The following SYNCRIP variants were observed in gnomAD, a reference collection of about 807,000 sequenced individuals.
The protein encoded by SYNCRIP is heterogeneous nuclear ribonucleoprotein Q.
In SYNCRIP, 9 loss-of-function variants were observed where a neutral mutation model predicts 68.9. The ratio of observed to expected loss-of-function variants is 0.13; its 90% confidence interval spans 0.08 to 0.23. The LOEUF (loss-of-function observed/expected upper bound fraction) is 0.23. Among genes scored for constraint, SYNCRIP ranks in the 10% least tolerant of loss-of-function variants. SYNCRIP has a pLI of 1.00. For synonymous variants in SYNCRIP, 258 were observed against 254.0 expected, an observed-to-expected ratio of 1.02 and a Z score of -0.15; for missense variants, 414 against 770.6, an observed-to-expected ratio of 0.54 and a Z score of 5.48.
chr6:85,628,915 G>A (rs1229751484), intron 6 of SYNCRIP, among the ~76,000 whole-genome samples: 1 of 152,140 alleles, frequency 6.6e-6, no homozygotes, highest in African/African-American at 2.4e-5. Flanking sequence ...ATAAAAACTA[G>A]AATACAACCT....
chr6:85,643,567 C>T (rs1176954089), upstream of SYNCRIP, among the ~76,000 whole-genome samples: 2 of 151,132 alleles, frequency 1.3e-5, no homozygotes, highest in Non-Finnish European at 3.0e-5. Context: ...GTGTCCCACT[C>T]GTTTTCCTTT....
chr6:85,632,402 G>A (rs1183025766), intron 6 of SYNCRIP, among the ~76,000 whole-genome samples: 1 of 152,292 alleles, frequency 6.6e-6, no homozygotes, highest in South Asian at 2.1e-4. Context: ...ACTGTAACAA[G>A]TAGAATCTCA....
intron 6 of SYNCRIP, among the ~76,000 whole-genome samples, chr6:85,631,659 C>CA: frequency 6.6e-6 from 1 of 152,188 alleles, no homozygotes; most frequent in East Asian, 1.9e-4. Context: ...GACCTACTTC[C>CA]TTAACTCTTT....
Position 85,615,248 on chromosome 6 carries a change from A to G in SYNCRIP, c.1380T>C (p.Tyr460=). The part of the protein sequence containing the change: ...GRGGYGYPPD[Y]YGYEDYYDYY... ...AATCATAATAATCTTCATATCCATA[A>G]TAATCTGGAGGATATCCATAACCAC... Residue 460 remains tyrosine (Y), a synonymous_variant, in exon 11 of 11, where the codon TAT becomes TAC. Coordinates refer to ENST00000369622, the MANE Select transcript of SYNCRIP (RefSeq NM_006372.5). 1 of 1,607,412 alleles carries G rather than the reference A, an allele frequency of 6.2e-7. No individual in the cohort carries two copies.
At position 85,633,373 on chromosome 6, in the gene SYNCRIP, C is replaced by G. The variant is rs115073656; in HGVS notation, c.666+3594G>C. Among the ~76,000 whole-genome samples, 928 of 152,224 alleles carry G rather than the reference C, an allele frequency of 6.1e-3. 8 individuals are homozygous for G. The highest frequency in any genetic ancestry group is 0.021 in the African/African-American group (876 of 41,554). ...GCACTTTGGGAAGCCGAGGCCGAGA[C>G]TGGGGTCAGGAGTTTGAGACCAGCC... On this transcript the variant is annotated intron_variant, in intron 6 of 10. Coordinates refer to ENST00000369622, the MANE Select transcript of SYNCRIP (RefSeq NM_006372.5).
intron 4 of SYNCRIP, among the ~76,000 whole-genome samples, chr6:85,639,103 G>A (rs963412623): frequency 6.6e-6 from 1 of 152,144 alleles, no homozygotes; most frequent in Non-Finnish European, 1.5e-5. Flanking sequence ...AGCTACTCGG[G>A]AGGCTGAGGC....
In SYNCRIP at chr6:85,619,304, C is replaced by A. The variant is rs138968407; in HGVS notation, c.1122G>T (p.Ala374=). 4.3e-6 allele frequency: 7 copies of A among 1,613,812 alleles called. No homozygotes were observed. Among genetic ancestry groups the A allele is most frequent in the Admixed American group, 1.7e-5 (1 of 59,946 alleles). The change falls in exon 9 of 11, where the codon GCG becomes GCT. Residue 374 remains alanine, a synonymous_variant. Transcript: ENST00000369622. Reference sequence around the variant, plus strand: ...CATCTCGCTCATCAAAATGAATGAACGCATAATCTTTTAACTTCTTCACTC... The same window carrying A: ...CATCTCGCTCATCAAAATGAATGAAAGCATAATCTTTTAACTTCTTCACTC... ...LERVKKLKDY[A]FIHFDERDGA...
At position 85,641,431 on chromosome 6, in the gene SYNCRIP, T is replaced by G; in HGVS notation, c.9A>C (p.Thr3=). The part of the protein sequence containing the change: MA[T]EHVNGNGTEE... ...CAGTACCATTTCCATTAACATGTTCTGTAGCCATGTTTCCAGAGATCTGTT... is the reference window on the plus strand; with the variant it reads ...CAGTACCATTTCCATTAACATGTTCGGTAGCCATGTTTCCAGAGATCTGTT... The change falls in exon 2 of 11, where the codon ACA becomes ACC. Residue 3 remains threonine, a synonymous_variant. Coordinates refer to ENST00000369622, the MANE Select transcript of SYNCRIP (RefSeq NM_006372.5). 1.2e-6 allele frequency: 2 copies of G among 1,612,478 alleles called. No homozygotes were observed. The highest frequency in any genetic ancestry group is 1.7e-6 in the Non-Finnish European group (2 of 1,179,608).
chr6:85,633,644 C>A (rs1188514301), intron 6 of SYNCRIP, among the ~76,000 whole-genome samples: 3 of 152,134 alleles, frequency 2.0e-5, no homozygotes, highest in East Asian at 3.8e-4. Context: ...ACCAATATAT[C>A]CTACTGGCTG....
intron 6 of SYNCRIP, among the ~76,000 whole-genome samples, chr6:85,627,125 G>C (rs748281509): frequency 3.3e-5 from 5 of 151,936 alleles, no homozygotes; most frequent in Non-Finnish European, 7.4e-5. Flanking sequence ...GAAATTAGCC[G>C]GGAGTGGTGG....
intron 7 of SYNCRIP, among the ~76,000 whole-genome samples, chr6:85,622,988 TAAGA>T (rs1383850191): frequency 6.6e-6 from 1 of 152,244 alleles, no homozygotes; most frequent in African/African-American, 2.4e-5. Context: ...ATAATTGTTC[TAAGA>T]AAATGGCAGT....
intron 1 of SYNCRIP, among the ~76,000 whole-genome samples, chr6:85,641,737 C>T (rs1300033814): frequency 6.6e-6 from 1 of 152,170 alleles, no homozygotes; most frequent in Non-Finnish European, 1.5e-5. Flanking sequence ...GGGTACGAGC[C>T]AGCGTGCCAC....
chr6:85,612,095 TATG>T (rs1805297564), downstream of SYNCRIP: 1 of 152,144 alleles, frequency 6.6e-6, no homozygotes, highest in Non-Finnish European at 1.5e-5. Context: ...CAAGGCCTGT[TATG>T]ATGGTCATGA....
At chr6:85,613,127 C>CT (rs1314869365), downstream of SYNCRIP, among the ~76,000 whole-genome samples, 3 of 151,266 alleles carry the variant, frequency 2.0e-5, no homozygotes, top group African/African-American at 7.3e-5. Flanking sequence ...TTTTTTGCCC[C>CT]TTTGAGTGAG....
rs1562116294 is a variant in SYNCRIP, at chr6:85,640,413, A to AT, written c.267+32dup. ...AGCAGATAGTATCAAAACTACTCAA[A>AT]TTTTTTAATTTTCACATTGACATTA... On this transcript the variant is annotated intron_variant, in intron 3 of 10. Coordinates refer to ENST00000369622, the MANE Select transcript of SYNCRIP (RefSeq NM_006372.5). 6 of 1,584,212 alleles carry AT rather than the reference A, an allele frequency of 3.8e-6. No individual in the cohort carries two copies. In the South Asian group the frequency reaches 6.8e-5, roughly 18 times the overall value.
In SYNCRIP at chr6:85,623,562, C is replaced by CCAAAAAAAAAAAAAAAAAA. The variant is rs572909849; in HGVS notation, c.802+414_802+415insTTTTTTTTTTTTTTTTTTG. Among the ~76,000 whole-genome samples the CCAAAAAAAAAAAAAAAAAA allele has an allele frequency of 6.5e-4, 41 of 63,256 alleles. 9 individuals are homozygous for CCAAAAAAAAAAAAAAAAAA. Among genetic ancestry groups the CCAAAAAAAAAAAAAAAAAA allele is most frequent in the East Asian group, 1.7e-3 (3 of 1,722 alleles). 41.5% of individuals were successfully genotyped at this position (63,256 alleles called of 152,430 possible). ...CTGGGCAACAAAGCAAGACTGTCTC[C>CCAAAAAAAAAAAAAAAAAA]AAAAAAAAAAAAAAAAAAAAACACT... On this transcript the variant is annotated intron_variant, in intron 7 of 10. Coordinates refer to ENST00000369622, the MANE Select transcript of SYNCRIP (RefSeq NM_006372.5).
chr6:85,613,668 G>GT (rs1245735171), downstream of SYNCRIP, among the ~76,000 whole-genome samples: 4 of 152,190 alleles, frequency 2.6e-5, no homozygotes, highest in African/African-American at 9.6e-5. Flanking sequence ...AAAACTAACT[G>GT]TAAAGCTGTT....
chr6:85,639,816 G>T (rs1464696237), intron 4 of SYNCRIP, among the ~76,000 whole-genome samples: 3 of 152,086 alleles, frequency 2.0e-5, no homozygotes, highest in African/African-American at 4.8e-5. Flanking sequence ...CATACTGATG[G>T]AAGTGGAGGG....
At chr6:85,609,584 A>T (rs1583228743), downstream of SYNCRIP, 1 of 151,886 alleles carries the variant, frequency 6.6e-6, no homozygotes, top group East Asian at 1.9e-4. Context: ...TTCATTTTTA[A>T]CATCTGATTC....
Sources: gnomAD v4.1 joint callset for allele counts (sites outside exome capture counted in the v4.1 genomes callset) on GRCh38, gnomAD v4.1.1 for gene constraint, MANE v1.5 for transcripts, NCBI Gene and HGNC (gene_info 2026-07-23, HGNC 2026-07-21) for gene names.